Variants in EEF1AKMT3 observed in about 807,000 individuals in gnomAD.
EEF1AKMT3 encodes EEF1A lysine methyltransferase 3.
A neutral mutation model predicts 17.8 loss-of-function variants in EEF1AKMT3; 17 were observed. The ratio of observed to expected loss-of-function variants is 0.96; its 90% confidence interval spans 0.65 to 1.43. The LOEUF (loss-of-function observed/expected upper bound fraction) is 1.43, where lower values mean the gene tolerates loss of function less well. Ranked by LOEUF, EEF1AKMT3 falls within the 40% of genes most tolerant of loss-of-function variation. The pLI is 0.00. For missense variants in EEF1AKMT3, 244 were observed against 285.8 expected (o/e 0.85, Z 1.06); for synonymous variants, 116 against 126.5 (o/e 0.92, Z 0.56).
chr12:57,774,370 C>T (rs552731134), intron 2 of EEF1AKMT3, among the ~76,000 whole-genome samples: 152 of 152,292 alleles, frequency 1.0e-3, no homozygotes, highest in Non-Finnish European at 6.6e-4. Context: ...ATCTCAGCTA[C>T]TTGGGAGGCT....
chr12:57,776,383 C>T (rs1565817012), intron 2 of EEF1AKMT3, among the ~76,000 whole-genome samples: 1 of 152,220 alleles, frequency 6.6e-6, no homozygotes. Flanking sequence ...AAGGGAAGGC[C>T]TCCTTGGCAC....
In EEF1AKMT3 at chr12:57,780,767, C is replaced by T; in HGVS notation, c.*121C>T. The T allele has an allele frequency of 7.7e-7, 1 of 1,307,178 alleles. No individual in the cohort carries two copies. Among genetic ancestry groups the T allele is most frequent in the Non-Finnish European group, 1.0e-6 (1 of 962,122 alleles). 81.0% of individuals were successfully genotyped at this position (1,307,178 alleles called of 1,614,324 possible). A position where few individuals can be genotyped will look rare whatever the true frequency, so the allele number is the denominator to read the frequency against. On this transcript the variant is annotated 3_prime_UTR_variant, in exon 3 of 3. Transcript: ENST00000300209. ...AAGGATGGATTTCCCTGGCCTCTCT[C>T]ACTTTCCTCCTTCCCTCTTTGTTAC...
Position 57,775,709 on chromosome 12 carries a change from G to A in EEF1AKMT3, c.289+2581G>A, listed in dbSNP as rs895567995. Among the ~76,000 whole-genome samples, 16 of 152,076 alleles carry A rather than the reference G, an allele frequency of 1.1e-4. No homozygotes were observed. In the East Asian group the frequency reaches 2.1e-3, roughly 20 times the overall value. ...ACTGGCATCTCTTGCCTGGATTTTC[G>A]CAAGGGCCTTCAAGCTTCTTCTGGG... is the stretch of plus-strand genomic sequence containing the variant. On this transcript the variant is annotated intron_variant, in intron 2 of 2. Coordinates refer to ENST00000300209, the MANE Select transcript of EEF1AKMT3 (RefSeq NM_015433.3).
intron 2 of EEF1AKMT3, among the ~76,000 whole-genome samples, chr12:57,775,378 T>C (rs541434920): frequency 1.3e-4 from 19 of 145,772 alleles, no homozygotes; most frequent in African/African-American, 1.8e-4. Flanking sequence ...TAAATGTTCT[T>C]TTTTTTTTTT....
intron 2 of EEF1AKMT3, among the ~76,000 whole-genome samples, chr12:57,776,638 CTTTATTTTAT>C (rs554240218): frequency 5.7e-4 from 87 of 152,106 alleles, no homozygotes; most frequent in Middle Eastern, 3.4e-3. Context: ...TTTCCTATCT[CTTTATTTTAT>C]TTTATTTTAT....
chr12:57,781,912 G>A lies in EEF1AKMT3; in HGVS notation c.*1266G>A, dbSNP rs1462080848. 1 of 152,108 alleles carries A rather than the reference G, an allele frequency of 6.6e-6. No homozygotes were observed. Among genetic ancestry groups the A allele is most frequent in the African/African-American group, 2.4e-5 (1 of 41,410 alleles). The allele number at this position is 152,108 out of a possible 1,614,324, so 9.4% of individuals were successfully genotyped here. On this transcript the variant is annotated 3_prime_UTR_variant, in exon 3 of 3. Coordinates refer to ENST00000300209, the MANE Select transcript of EEF1AKMT3 (RefSeq NM_015433.3). ...TAGCTCTGATTAGCTTTCACTTCCT[G>A]TAGAAGCAAGAACAAGCTCCTCTGC...
rs374677705 is a variant in EEF1AKMT3, at chr12:57,772,820, G to A, written c.96G>A (p.Gln32=). The A allele has an allele frequency of 6.2e-7, 1 of 1,614,096 alleles. No individual in the cohort carries two copies. Among genetic ancestry groups the A allele is most frequent in the African/African-American group, 1.3e-5 (1 of 74,942 alleles). ...LFADSYSEKS[Q]FCFCGHVLTI... is the part of the protein sequence containing the mutation. ...CAGACTCTTACTCGGAGAAGAGCCAGTTCTGTTTCTGTGGGCATGTGCTGA... is the reference window on the plus strand; with the variant it reads ...CAGACTCTTACTCGGAGAAGAGCCAATTCTGTTTCTGTGGGCATGTGCTGA... The change falls in exon 1 of 3, where the codon CAG becomes CAA. Residue 32 remains glutamine, a synonymous_variant. Transcript: ENST00000300209. The surrounding 1 kb of genome is among the most constrained non-coding windows in gnomAD (Gnocchi z 4.1).
At chr12:57,777,166 C>T (rs144859918) in intron 2 of EEF1AKMT3, among the ~76,000 whole-genome samples, 1 of 152,216 alleles carries the variant, frequency 6.6e-6, no homozygotes, top group East Asian at 1.9e-4. Context: ...CCAGCAACAC[C>T]CACCCCCATC....
In EEF1AKMT3 at chr12:57,776,387, T is replaced by C. The variant is rs4760324; in HGVS notation, c.289+3259T>C. On this transcript the variant is annotated intron_variant, in intron 2 of 2. Transcript: ENST00000300209. ...ACATCACTTCGAAGGGAAGGCCTCC[T>C]TGGCACTCCCACTCCTAGGCTAACT... Among the ~76,000 whole-genome samples, 594 of 152,330 alleles carry C rather than the reference T, an allele frequency of 3.9e-3. 17 individuals are homozygous for C. In the South Asian group the frequency reaches 0.068, roughly 17 times the overall value.
rs758083863 is a variant in EEF1AKMT3 at position 57,772,969 on chromosome 12, A to G, written c.178-48A>G. The G allele has an allele frequency of 2.5e-5, 40 of 1,613,662 alleles. No homozygotes were observed. In the Middle Eastern group the frequency reaches 1.3e-3, roughly 53 times the overall value. On this transcript the variant is annotated intron_variant, in intron 1 of 2. Coordinates refer to ENST00000300209, the MANE Select transcript of EEF1AKMT3 (RefSeq NM_015433.3). This position sits in a 1 kb window ranked among gnomAD's most constrained non-coding sequence, Gnocchi z 4.1. ...AGATCCCGGACTCCGCCTCTCCCATATGGAGCCATCCTCACGACTGTCTTT... is the reference window on the plus strand; with the variant it reads ...AGATCCCGGACTCCGCCTCTCCCATGTGGAGCCATCCTCACGACTGTCTTT...
intron 2 of EEF1AKMT3, among the ~76,000 whole-genome samples, chr12:57,776,855 T>G (rs1955483409): frequency 6.6e-6 from 1 of 152,148 alleles, no homozygotes; most frequent in East Asian, 1.9e-4. Flanking sequence ...TTCACCATGT[T>G]GGCCAGGCTG....
intron 2 of EEF1AKMT3, among the ~76,000 whole-genome samples, chr12:57,773,638 C>T (rs928554857): frequency 2.0e-5 from 3 of 152,154 alleles, no homozygotes; most frequent in Non-Finnish European, 4.4e-5. Flanking sequence ...GTTGGCCAGG[C>T]TGGTCTCGAA....
At position 57,778,307 on chromosome 12, in the gene EEF1AKMT3, T is replaced by TTTTTTTTTTTTTTTTTTTTTTTTTC. The variant is rs536788916; in HGVS notation, c.290-1947_290-1946insTTTTTTTTTTTTTTTTTTTTTTTCT. On this transcript the variant is annotated intron_variant, in intron 2 of 2. Coordinates refer to ENST00000300209, the MANE Select transcript of EEF1AKMT3 (RefSeq NM_015433.3). ...ACCATCCTGAGCTTTTTTTTTTTTT[T>TTTTTTTTTTTTTTTTTTTTTTTTTC]TGAGACAGGTTCTCACTCTGTTGCC... Among the ~76,000 whole-genome samples the TTTTTTTTTTTTTTTTTTTTTTTTTC allele has an allele frequency of 3.8e-5, 4 of 105,314 alleles. 1 individual carries two copies. Among genetic ancestry groups the TTTTTTTTTTTTTTTTTTTTTTTTTC allele is most frequent in the Non-Finnish European group, 5.9e-5 (3 of 50,588 alleles). The allele number at this position is 105,314 out of a possible 152,430, so 69.1% of individuals were successfully genotyped here.
At chr12:57,774,534 T>C (rs1955467341) in intron 2 of EEF1AKMT3, 1 of 633,292 alleles carries the variant, frequency 1.6e-6, no homozygotes, top group African/African-American at 1.8e-5. Context: ...CTTCTATTCA[T>C]TCAACCAAAA....
At position 57,775,105 on chromosome 12, in the gene EEF1AKMT3, CAAAAAAAA is replaced by C. The variant is rs1019116260; in HGVS notation, c.289+1997_289+2004del. Among the ~76,000 whole-genome samples, 7 of 33,612 alleles carry C rather than the reference CAAAAAAAA, an allele frequency of 2.1e-4. No individual in the cohort carries two copies. The East Asian group carries it at 2.1e-3, about 10-fold the overall frequency. The allele number at this position is 33,612 out of a possible 152,430, so 22.1% of individuals were successfully genotyped here. A position where few individuals can be genotyped will look rare whatever the true frequency, so the allele number is the denominator to read the frequency against. ...GAGCAACAAGAGTGAAACGCCATCT[CAAAAAAAA>C]AAAAAAAAAAAAAAAAAAAGAAACA... On this transcript the variant is annotated intron_variant, in intron 2 of 2. Transcript: ENST00000300209.
At position 57,778,293 on chromosome 12, in the gene EEF1AKMT3, C is replaced by CTTTTTT. The variant is rs56919999; in HGVS notation, c.290-1952_290-1947dup. 1.1e-4 allele frequency among the ~76,000 whole-genome samples: 5 copies of CTTTTTT among 43,994 alleles called. 1 individual carries two copies. Among genetic ancestry groups the CTTTTTT allele is most frequent in the Admixed American group, 4.3e-4 (1 of 2,338 alleles). 28.9% of individuals were successfully genotyped at this position (43,994 alleles called of 152,430 possible). A position where few individuals can be genotyped will look rare whatever the true frequency, so the allele number is the denominator to read the frequency against. ...CCAAACACCCAGAAACCATCCTGAGCTTTTTTTTTTTTTTTGAGACAGGTT... is the reference window on the plus strand; with the variant it reads ...CCAAACACCCAGAAACCATCCTGAGCTTTTTTTTTTTTTTTTTTTTTGAGACAGGTT... On this transcript the variant is annotated intron_variant, in intron 2 of 2. Transcript: ENST00000300209.
At position 57,772,940 on chromosome 12, in the gene EEF1AKMT3, G is replaced by C; in HGVS notation, c.177+39G>C. On this transcript the variant is annotated intron_variant, in intron 1 of 2. Transcript: ENST00000300209. The surrounding 1 kb of genome is among the most constrained non-coding windows in gnomAD (Gnocchi z 4.1). ...TGCGCCGGGTGAGGGTCCGTGGGAGGTCCAGATCCCGGACTCCGCCTCTCC... is the reference window on the plus strand; with the variant it reads ...TGCGCCGGGTGAGGGTCCGTGGGAGCTCCAGATCCCGGACTCCGCCTCTCC... The C allele has an allele frequency of 1.2e-6, 2 of 1,613,032 alleles. No individual in the cohort carries two copies. Among genetic ancestry groups the C allele is most frequent in the Non-Finnish European group, 1.7e-6 (2 of 1,179,164 alleles).
rs977608220 is a variant in EEF1AKMT3 at position 57,780,951 on chromosome 12, T to C, written c.*305T>C. 6.8e-6 allele frequency: 3 copies of C among 438,866 alleles called. No individual in the cohort carries two copies. The highest frequency in any genetic ancestry group is 4.8e-5 in the East Asian group (1 of 20,826). The allele number at this position is 438,866 out of a possible 1,614,324, so 27.2% of individuals were successfully genotyped here. On this transcript the variant is annotated 3_prime_UTR_variant, in exon 3 of 3. Transcript: ENST00000300209. ...GGATTTTTAGGGGGTAAGGGAGATA[T>C]ATGGGATGTGAGAGCAGTGATTGTA...
intron 2 of EEF1AKMT3, 122 bp downstream of exon 2, chr12:57,773,250 C>A: frequency 1.1e-6 from 1 of 912,110 alleles, no homozygotes; most frequent in Non-Finnish European, 1.7e-6. Flanking sequence ...TTCTTTTTAA[C>A]AAATTTTTTT....
Sources: allele counts gnomAD v4.1 joint callset (sites outside exome capture counted in the v4.1 genomes callset), GRCh38; gene constraint gnomAD v4.1.1; non-coding constraint Gnocchi (gnomAD v3.1); transcripts MANE v1.5; gene names NCBI Gene and HGNC (gene_info 2026-07-23, HGNC 2026-07-21).